The following CLTC variants were observed in gnomAD, a reference collection of about 807,000 sequenced individuals.
The protein encoded by CLTC is clathrin heavy chain.
In CLTC, 16 loss-of-function variants were observed where a neutral mutation model predicts 195.8. The ratio of observed to expected loss-of-function variants is 0.08; its 90% confidence interval spans 0.06 to 0.12. CLTC has a LOEUF of 0.12. Among genes scored for constraint, CLTC ranks in the 10% least tolerant of loss-of-function variants. CLTC has a pLI of 1.00. For synonymous variants in CLTC, 667 were observed against 689.4 expected (o/e 0.97, Z 0.51); for missense variants, 796 against 2,027.0 (o/e 0.39, Z 11.66).
At position 59,660,577 on chromosome 17, in the gene CLTC, A is replaced by C. The variant is rs138996648; in HGVS notation, c.1156A>C (p.Asn386His). 4 of 1,613,804 alleles carry C rather than the reference A, an allele frequency of 2.5e-6. No individual in the cohort carries two copies. The highest frequency in any genetic ancestry group is 3.4e-6 in the Non-Finnish European group (4 of 1,179,802). The change falls in exon 7 of 32, where the codon AAT becomes CAT. Residue 386 changes from asparagine to histidine, a missense_variant. By Grantham distance (68) the Asn-to-His change is moderately conservative. This residue lies in a region of CLTC where 293 missense variants were observed against 795.6 expected (regional missense o/e 0.37). Coordinates refer to ENST00000269122, the MANE Select transcript of CLTC (RefSeq NM_004859.4). ...CTCGGAGGCAGCAAAGGTGGCTGCTAATGCACCAAAGGTAAAGAGTTATGA... is the reference window on the plus strand; with the variant it reads ...CTCGGAGGCAGCAAAGGTGGCTGCTCATGCACCAAAGGTAAAGAGTTATGA... Reference protein sequence around the residue: ...NYSEAAKVAANAPKGILRTPD... With the variant: ...NYSEAAKVAAHAPKGILRTPD...
intron 30 of CLTC, chr17:59,686,905 G>GT (rs1265241871): frequency 8.4e-6 from 6 of 715,506 alleles, no homozygotes; most frequent in South Asian, 6.4e-5. Flanking sequence ...GTGGTTAGAT[G>GT]TTTCTTCCCT....
chr17:59,648,531 T>C lies in CLTC; in HGVS notation c.681+130T>C. 1.1e-6 allele frequency: 1 copy of C among 888,612 alleles called. No homozygotes were observed. Among genetic ancestry groups the C allele is most frequent in the Admixed American group, 2.6e-5 (1 of 38,076 alleles). 55.0% of individuals were successfully genotyped at this position (888,612 alleles called of 1,614,324 possible). A position where few individuals can be genotyped will look rare whatever the true frequency, so the allele number is the denominator to read the frequency against. On this transcript the variant is annotated intron_variant, in intron 4 of 31. Coordinates refer to ENST00000269122, the MANE Select transcript of CLTC (RefSeq NM_004859.4). This position sits in a 1 kb window ranked among gnomAD's most constrained non-coding sequence, Gnocchi z 4.5. Reference sequence around the variant, plus strand: ...TTTAGTATTCACATTTGTGGTGACTTAATTTGTTCAAATTTTGCATCTAGT... The same window carrying C: ...TTTAGTATTCACATTTGTGGTGACTCAATTTGTTCAAATTTTGCATCTAGT...
chr17:59,680,903 C>T lies in CLTC; in HGVS notation c.2920-9C>T. The T allele has an allele frequency of 6.2e-7, 1 of 1,605,254 alleles. No individual in the cohort carries two copies. Among genetic ancestry groups the T allele is most frequent in the Non-Finnish European group, 8.5e-7 (1 of 1,176,122 alleles). ...TTCTCAGTACTTATGTCCCATATATCCTCTGTAGGTTGTACAAACAGCTTT... is the reference window on the plus strand; with the variant it reads ...TTCTCAGTACTTATGTCCCATATATTCTCTGTAGGTTGTACAAACAGCTTT... On this transcript the variant is annotated splice_polypyrimidine_tract_variant and intron_variant, in intron 18 of 31. Transcript: ENST00000269122.
chr17:59,674,982 A>G (rs1224630373), intron 16 of CLTC, 139 bp downstream of exon 16: 1 of 800,528 alleles, frequency 1.2e-6, no homozygotes, highest in Non-Finnish European at 2.0e-6. Flanking sequence ...TAGAGGTGAT[A>G]AGCTAGCTAA....
chr17:59,687,746 C>G (rs548974672), intron 30 of CLTC, among the ~76,000 whole-genome samples: 71 of 152,268 alleles, frequency 4.7e-4, no homozygotes, highest in African/African-American at 1.5e-3. Context: ...CTTCTACTTT[C>G]TGTAATAAGG....
At chr17:59,650,483 C>CTTTTTTT (rs35425747) in intron 4 of CLTC, among the ~76,000 whole-genome samples, 4 of 116,850 alleles carry the variant, frequency 3.4e-5, no homozygotes, top group Admixed American at 9.3e-5. Flanking sequence ...ATTCAGATGA[C>CTTTTTTT]TTTTTTTTTT....
intron 16 of CLTC, 141 bp from the exon 17 acceptor site, chr17:59,676,813 A>G: frequency 3.1e-6 from 2 of 652,320 alleles, no homozygotes; most frequent in Non-Finnish European, 5.3e-6. Flanking sequence ...CAGCCTGGAC[A>G]ATGTAGCAAT....
chr17:59,696,171 A>C lies in CLTC; in HGVS notation c.*2319A>C. 1 of 219,654 alleles carries C rather than the reference A, an allele frequency of 4.6e-6. No individual in the cohort carries two copies. Among genetic ancestry groups the C allele is most frequent in the Non-Finnish European group, 9.1e-6 (1 of 109,490 alleles). The allele number at this position is 219,654 out of a possible 1,614,324, so 13.6% of individuals were successfully genotyped here. A position where few individuals can be genotyped will look rare whatever the true frequency, so the allele number is the denominator to read the frequency against. ...GAGTTCAACTCAGTCTTAACGTTGC[A>C]TTTTGTTGCATCACTTTTGCAGCCA... is the stretch of plus-strand genomic sequence containing the variant. On this transcript the variant is annotated 3_prime_UTR_variant, in exon 32 of 32. Coordinates refer to ENST00000269122, the MANE Select transcript of CLTC (RefSeq NM_004859.4).
chr17:59,683,741 C>A lies in CLTC; in HGVS notation c.4308C>A (p.Val1436=). Residue 1436 remains valine (V), a synonymous_variant, in exon 27 of 32, where the codon GTC becomes GTA. Transcript: ENST00000269122. The surrounding 1 kb of genome is among the most constrained non-coding windows in gnomAD (Gnocchi z 6.1). ...CACGGTTGGATCACACTCGTGCAGT[C>A]AATTATTTCAGCAAGGTAAAGTAAT... The part of the protein sequence containing the change: ...LSPRLDHTRA[V]NYFSKVKQLP... 1 of 1,614,058 alleles carries A rather than the reference C, an allele frequency of 6.2e-7. No homozygotes were observed. Among genetic ancestry groups the A allele is most frequent in the South Asian group, 1.1e-5 (1 of 91,048 alleles).
At chr17:59,673,316 G>C (rs974208889) in intron 14 of CLTC, among the ~76,000 whole-genome samples, 1 of 152,168 alleles carries the variant, frequency 6.6e-6, no homozygotes, top group African/African-American at 2.4e-5. Context: ...AAATACGGTA[G>C]AAGTGTTATT....
At chr17:59,623,119 C>G (rs2031435371) in intron 1 of CLTC, among the ~76,000 whole-genome samples, 1 of 152,176 alleles carries the variant, frequency 6.6e-6, no homozygotes, top group Non-Finnish European at 1.5e-5. Context: ...CCACTTGACA[C>G]ATTCCATTGT....
At chr17:59,625,678 G>T (rs562821741) in intron 1 of CLTC, among the ~76,000 whole-genome samples, 8 of 152,080 alleles carry the variant, frequency 5.3e-5, no homozygotes, top group African/African-American at 1.7e-4. Flanking sequence ...TGAAGAAAAA[G>T]GAAAGCAGAT....
Position 59,685,036 on chromosome 17 carries a change from G to A in CLTC, c.4435-20G>A, listed in dbSNP as rs117912693. 7.9e-5 allele frequency: 117 copies of A among 1,488,760 alleles called. No homozygotes were observed. In the East Asian group the frequency reaches 2.7e-3, roughly 34 times the overall value. The allele number at this position is 1,488,760 out of a possible 1,614,324, so 92.2% of individuals were successfully genotyped here. Reference sequence around the variant, plus strand: ...AAACAAAATACTGATCTGGCATTTGGATGGCTTTTTTTTTTTAAGGCTCTG... The same window carrying A: ...AAACAAAATACTGATCTGGCATTTGAATGGCTTTTTTTTTTTAAGGCTCTG... On this transcript the variant is annotated intron_variant, in intron 28 of 31. Coordinates refer to ENST00000269122, the MANE Select transcript of CLTC (RefSeq NM_004859.4). This position sits in a 1 kb window ranked among gnomAD's most constrained non-coding sequence, Gnocchi z 5.0.
chr17:59,660,653 T>G, intron 7 of CLTC, 65 bp downstream of exon 7: 2 of 1,513,542 alleles, frequency 1.3e-6, no homozygotes, highest in South Asian at 2.3e-5. Flanking sequence ...GTTTCTTATA[T>G]TACTAGAAAA....
At position 59,644,297 on chromosome 17, in the gene CLTC, C is replaced by T; in HGVS notation, c.64C>T (p.Pro22Ser). Residue 22 changes from proline to serine, a missense_variant, in exon 2 of 32, where the codon CCA becomes TCA. Transcript: ENST00000269122. ...HLQLQNLGIN[P>S]ANIGFSTLTM... ...CTAGCTCCAGAACCTGGGTATCAAC[C>T]CAGCAAACATTGGCTTCAGTACCCT... is the stretch of plus-strand genomic sequence containing the variant. The T allele has an allele frequency of 6.2e-7, 1 of 1,613,910 alleles. No homozygotes were observed. Among genetic ancestry groups the T allele is most frequent in the South Asian group, 1.1e-5 (1 of 91,066 alleles).
intron 31 of CLTC, 89 bp from the exon 32 acceptor site, chr17:59,693,639 T>G: frequency 7.1e-7 from 1 of 1,402,848 alleles, no homozygotes; most frequent in East Asian, 2.6e-5. Context: ...GTTGCTAGAG[T>G]GGAGGAGATT....
chr17:59,686,981 C>T, intron 30 of CLTC: 1 of 988,162 alleles, frequency 1.0e-6, no homozygotes, highest in Non-Finnish European at 1.2e-6. Flanking sequence ...CTAAGCTGCA[C>T]CTTCTGAATT....
Position 59,651,250 on chromosome 17 carries a change from T to C in CLTC, c.729T>C (p.Phe243=). The change falls in exon 5 of 32, where the codon TTT becomes TTC. Residue 243 remains phenylalanine, a synonymous_variant. Transcript: ENST00000269122. ...CACCACCTACAGGGAACCAGCCCTTTCCAAAGAAGGCAGTGGATGTCTTCT... is the reference window on the plus strand; with the variant it reads ...CACCACCTACAGGGAACCAGCCCTTCCCAAAGAAGGCAGTGGATGTCTTCT... ...VGTPPTGNQP[F]PKKAVDVFFP... 1.2e-6 allele frequency: 2 copies of C among 1,614,072 alleles called. No homozygotes were observed. Among genetic ancestry groups the C allele is most frequent in the East Asian group, 2.2e-5 (1 of 44,856 alleles).
At chr17:59,680,455 A>C (rs1567968479) in intron 18 of CLTC, among the ~76,000 whole-genome samples, 1 of 152,212 alleles carries the variant, frequency 6.6e-6, no homozygotes, top group Non-Finnish European at 1.5e-5. Context: ...TTAATATTTC[A>C]TTCCTTTCCT....
Sources: allele counts gnomAD v4.1 joint callset (sites outside exome capture counted in the v4.1 genomes callset), GRCh38; gene constraint gnomAD v4.1.1; regional missense constraint gnomAD v4.1.1; non-coding constraint Gnocchi (gnomAD v3.1); transcripts MANE v1.5; gene names NCBI Gene and HGNC (gene_info 2026-07-23, HGNC 2026-07-21).